Variants in SAMMSON observed in about 807,000 individuals in gnomAD.
The protein encoded by SAMMSON is long intergenic non-protein coding RNA 1212.
intron 3 of SAMMSON, among the ~76,000 whole-genome samples, chr3:70,050,461 A>G (rs2067141943): frequency 6.6e-6 from 1 of 152,148 alleles, no homozygotes; most frequent in Non-Finnish European, 1.5e-5. Context: ...GAAATTTCAA[A>G]TGATGTCTTT....
At chr3:70,204,028 T>C (rs1462536270) in intron 4 of SAMMSON, among the ~76,000 whole-genome samples, 1 of 152,152 alleles carries the variant, frequency 6.6e-6, no homozygotes, top group Non-Finnish European at 1.5e-5. Flanking sequence ...TCCTTTTAAA[T>C]TCCCATCAGA....
rs938424642 is a variant in SAMMSON at position 70,344,530 on chromosome 3, C to T, written n.740-9645C>T. ...CATGCAACCTGATTCTTCCTGGACA[C>T]CAGACAAGGACCTGGGTATGAAGAG... is the stretch of plus-strand genomic sequence containing the variant. On this transcript the variant is annotated intron_variant and non_coding_transcript_variant, in intron 7 of 9. Transcript: ENST00000642114. Among the ~76,000 whole-genome samples the T allele has an allele frequency of 3.3e-5, 5 of 152,210 alleles. No homozygotes were observed. In the South Asian group the frequency reaches 8.3e-4, roughly 25 times the overall value.
At chr3:70,336,743 G>A (rs1001939800) in intron 7 of SAMMSON, among the ~76,000 whole-genome samples, 16 of 151,032 alleles carry the variant, frequency 1.1e-4, no homozygotes, top group African/African-American at 3.9e-4. Flanking sequence ...CATACTTAAT[G>A]TATCCTCTCT....
chr3:70,058,938 C>T (rs2067177699), intron 3 of SAMMSON, among the ~76,000 whole-genome samples: 1 of 152,042 alleles, frequency 6.6e-6, no homozygotes, highest in African/African-American at 2.4e-5. Flanking sequence ...CCTATAGGAA[C>T]TATCACTACT....
chr3:70,152,161 T>C (rs1462324356), intron 4 of SAMMSON, among the ~76,000 whole-genome samples: 2 of 151,924 alleles, frequency 1.3e-5, no homozygotes, highest in East Asian at 1.9e-4. Context: ...AATATGTTTA[T>C]CCTTAAAATT....
At chr3:70,242,443 C>T (rs1385010622) in intron 4 of SAMMSON, among the ~76,000 whole-genome samples, 1 of 152,120 alleles carries the variant, frequency 6.6e-6, no homozygotes, top group Non-Finnish European at 1.5e-5. Context: ...ATCTCAGTGG[C>T]CCATAGGTCC....
intron 4 of SAMMSON, among the ~76,000 whole-genome samples, chr3:70,102,603 T>G (rs1346444859): frequency 6.6e-6 from 1 of 152,160 alleles, no homozygotes; most frequent in East Asian, 1.9e-4. Context: ...ATATCATGTC[T>G]ATTCTGTAAG....
chr3:70,348,912 A>G (rs1197693541), intron 7 of SAMMSON, among the ~76,000 whole-genome samples: 1 of 152,048 alleles, frequency 6.6e-6, no homozygotes, highest in African/African-American at 2.4e-5. Context: ...AAGAGAGACA[A>G]TCAATCTCTC....
intron 2 of SAMMSON, among the ~76,000 whole-genome samples, chr3:70,415,972 A>C (rs1282387160): frequency 2.0e-5 from 3 of 152,164 alleles, no homozygotes; most frequent in African/African-American, 4.8e-5. Context: ...CACTATTTTG[A>C]TGTAAAGACA....
intron 3 of SAMMSON, among the ~76,000 whole-genome samples, chr3:70,023,261 C>T (rs372377005): frequency 1.3e-5 from 2 of 151,912 alleles, no homozygotes; most frequent in South Asian, 2.1e-4. Flanking sequence ...TCGAGACCAT[C>T]CTGGCTAACA....
intron 4 of SAMMSON, among the ~76,000 whole-genome samples, chr3:70,191,371 G>T (rs933837350): frequency 1.3e-5 from 2 of 152,172 alleles, no homozygotes; most frequent in African/African-American, 4.8e-5. Context: ...AACAATTCAT[G>T]CTCCTAGAAC....
At chr3:70,192,761 G>A (rs570168587) in intron 4 of SAMMSON, among the ~76,000 whole-genome samples, 43 of 152,270 alleles carry the variant, frequency 2.8e-4, no homozygotes, top group Non-Finnish European at 4.4e-4. Flanking sequence ...GTAATATTTG[G>A]GACATGCTTG....
intron 4 of SAMMSON, among the ~76,000 whole-genome samples, chr3:70,236,032 T>C (rs768491057): frequency 2.7e-4 from 41 of 152,308 alleles, no homozygotes; most frequent in Admixed American, 1.1e-3. Flanking sequence ...AATGAGCAAA[T>C]GCATCATTCT....
chr3:70,366,492 G>GTTTTTTTTTTTTTTTTT, intron 9 of SAMMSON, among the ~76,000 whole-genome samples: 3 of 100,754 alleles, frequency 3.0e-5, no homozygotes, highest in Non-Finnish European at 4.1e-5. Context: ...GTGTTTTTAT[G>GTTTTTTTTTTTTTTTTT]TTTTTTTTTT....
chr3:70,180,004 A>ATATG (rs1553643625), intron 4 of SAMMSON, among the ~76,000 whole-genome samples: 1 of 148,098 alleles, frequency 6.8e-6, no homozygotes, highest in Non-Finnish European at 1.5e-5. Flanking sequence ...TGTGCTTCGT[A>ATATG]TGTGTGTGTG....
intron 2 of SAMMSON, among the ~76,000 whole-genome samples, chr3:70,433,821 G>T (rs1276934902): frequency 5.3e-5 from 8 of 152,138 alleles, no homozygotes; most frequent in African/African-American, 1.9e-4. Flanking sequence ...TTTTATGAAA[G>T]ATGTAAGATC....
intron 7 of SAMMSON, among the ~76,000 whole-genome samples, chr3:70,343,725 G>A (rs1374087864): frequency 6.6e-6 from 1 of 151,830 alleles, no homozygotes; most frequent in Non-Finnish European, 1.5e-5. Context: ...ACTATGCCCA[G>A]CCTACTCTTG....
At chr3:70,178,182 C>A (rs1234488017) in intron 4 of SAMMSON, among the ~76,000 whole-genome samples, 1 of 152,112 alleles carries the variant, frequency 6.6e-6, no homozygotes, top group Non-Finnish European at 1.5e-5. Context: ...GTTCCAGGCT[C>A]TTCTCTAATG....
chr3:70,243,564 C>T (rs1005585606), intron 4 of SAMMSON, among the ~76,000 whole-genome samples: 5 of 152,224 alleles, frequency 3.3e-5, no homozygotes, highest in Middle Eastern at 3.4e-3. Context: ...TCTGCACTAT[C>T]GTCATTTTGG....
Sources: allele counts gnomAD v4.1 joint callset (sites outside exome capture counted in the v4.1 genomes callset), GRCh38; gene constraint gnomAD v4.1.1; transcripts MANE v1.5; gene names NCBI Gene and HGNC (gene_info 2026-07-23, HGNC 2026-07-21).